The following NRXN1 variants were observed in gnomAD, a reference collection of about 807,000 sequenced individuals.
The protein encoded by NRXN1 is neurexin 1.
NRXN1 carries 39 observed loss-of-function variants against 150.9 expected under a neutral mutation model. The ratio of observed to expected loss-of-function variants is 0.26; its 90% CI spans 0.20 to 0.34. NRXN1 has a LOEUF of 0.34. NRXN1 is among the 10% of genes least tolerant of loss of function. The probability of loss-of-function intolerance (pLI) is 1.00; values close to 1 mark genes in which losing one functional copy is unlikely to be tolerated. For synonymous variants in NRXN1, 924 were observed against 757.0 expected (o/e 1.22, Z -3.62); for missense variants, 1,815 against 1,949.9 (o/e 0.93, Z 1.30).
chr2:50,915,143 T>C (rs1444298102), intron 5 of NRXN1, among the ~76,000 whole-genome samples: 2 of 151,610 alleles, frequency 1.3e-5, no homozygotes, highest in Non-Finnish European at 3.0e-5. Context: ...TCTTGAAGTA[T>C]GTGAGAATAC....
At chr2:50,332,399 T>C (rs943100936) in intron 17 of NRXN1, among the ~76,000 whole-genome samples, 2 of 152,178 alleles carry the variant, frequency 1.3e-5, no homozygotes, top group African/African-American at 4.8e-5. Flanking sequence ...AAATTAGAGC[T>C]CTGTTTTGAA....
intron 14 of NRXN1, among the ~76,000 whole-genome samples, chr2:50,496,497 G>A (rs1033842905): frequency 3.9e-5 from 6 of 152,088 alleles, no homozygotes; most frequent in African/African-American, 9.7e-5. Flanking sequence ...GATAGGGAAC[G>A]TGTACTCATC....
intron 6 of NRXN1, among the ~76,000 whole-genome samples, chr2:50,621,850 TA>T (rs149360789): frequency 0.015 from 2,309 of 152,154 alleles, 56 homozygotes; most frequent in African/African-American, 0.052. Context: ...ATAGAATGAG[TA>T]GAATGGATTT....
intron 17 of NRXN1, among the ~76,000 whole-genome samples, chr2:50,456,709 C>T (rs536981358): frequency 6.6e-6 from 1 of 151,928 alleles, no homozygotes; most frequent in South Asian, 2.1e-4. Flanking sequence ...TTTCCCTTCC[C>T]TACAAAAATG....
chr2:50,347,329 T>A lies in NRXN1; in HGVS notation c.3365-110359A>T. On this transcript the variant is annotated intron_variant, in intron 17 of 22. Transcript: ENST00000401669. The surrounding 1 kb of genome is among the most constrained non-coding windows in gnomAD (Gnocchi z 4.9). Reference sequence around the variant, plus strand: ...CGGCGGGTGGGGGGCCGAGAAATTGTTTAAAGCTCCTCCTGGAAGGTCCTC... The same window carrying A: ...CGGCGGGTGGGGGGCCGAGAAATTGATTAAAGCTCCTCCTGGAAGGTCCTC... 1 of 1,249,030 alleles carries A rather than the reference T, an allele frequency of 8.0e-7. No individual in the cohort carries two copies. The highest frequency in any genetic ancestry group is 1.0e-6 in the Non-Finnish European group (1 of 970,548). The allele number at this position is 1,249,030 out of a possible 1,614,324, so 77.4% of individuals were successfully genotyped here.
chr2:50,386,578 C>T (rs2081342241), intron 17 of NRXN1, among the ~76,000 whole-genome samples: 2 of 150,180 alleles, frequency 1.3e-5, no homozygotes. Flanking sequence ...CAATAGAACC[C>T]CCAAATTGAG....
intron 2 of NRXN1, among the ~76,000 whole-genome samples, chr2:50,974,959 G>C (rs1695590767): frequency 1.3e-5 from 2 of 151,660 alleles, no homozygotes; most frequent in South Asian, 4.2e-4. Flanking sequence ...CCAACCATGA[G>C]CCACTGAATT....
intron 8 of NRXN1, among the ~76,000 whole-genome samples, chr2:50,572,586 AGGC>A (rs1670823671): frequency 2.0e-5 from 3 of 152,170 alleles, no homozygotes; most frequent in Non-Finnish European, 4.4e-5. Context: ...TCTCTGATGT[AGGC>A]TTTTTCTATC....
chr2:50,981,789 C>T (rs570510585), intron 2 of NRXN1, among the ~76,000 whole-genome samples: 15 of 151,340 alleles, frequency 9.9e-5, no homozygotes, highest in Admixed American at 4.6e-4. Flanking sequence ...TTTTTGTAAG[C>T]ACAGAGCCTA....
chr2:50,813,475 A>G (rs1486984299), intron 5 of NRXN1, among the ~76,000 whole-genome samples: 1 of 152,152 alleles, frequency 6.6e-6, no homozygotes, highest in Non-Finnish European at 1.5e-5. Flanking sequence ...GAACAATATA[A>G]AAGTGCCTTT....
intron 21 of NRXN1, among the ~76,000 whole-genome samples, chr2:49,988,893 A>G (rs1558644042): frequency 6.6e-6 from 1 of 152,208 alleles, no homozygotes; most frequent in Non-Finnish European, 1.5e-5. Flanking sequence ...AGTTATTTTA[A>G]AAATTAAAAC....
chr2:50,698,461 T>A (rs905858470), intron 5 of NRXN1, among the ~76,000 whole-genome samples: 1 of 152,224 alleles, frequency 6.6e-6, no homozygotes, highest in African/African-American at 2.4e-5. Context: ...ATTATCTTAG[T>A]GTTGGAATAT....
intron 17 of NRXN1, among the ~76,000 whole-genome samples, chr2:50,458,728 T>C (rs4031833): frequency 0.55 from 82,865 of 151,734 alleles, 25,993 homozygotes; most frequent in East Asian, 0.92. Flanking sequence ...TACAGGCATG[T>C]ACCACCAGGC....
intron 17 of NRXN1, among the ~76,000 whole-genome samples, chr2:50,404,544 C>A (rs978481350): frequency 6.6e-6 from 1 of 152,076 alleles, no homozygotes; most frequent in African/African-American, 2.4e-5. Context: ...ACCCAGGTAC[C>A]TTTCTGGGTC....
intron 8 of NRXN1, among the ~76,000 whole-genome samples, chr2:50,607,742 CAAAA>C (rs71955231): frequency 9.2e-6 from 1 of 108,300 alleles, no homozygotes; most frequent in Non-Finnish European, 2.1e-5. Context: ...CTCTAAAAAT[CAAAA>C]AAAAAAAAAA....
At chr2:50,412,525 G>A (rs1054184966) in intron 17 of NRXN1, among the ~76,000 whole-genome samples, 4 of 150,500 alleles carry the variant, frequency 2.7e-5, no homozygotes, top group African/African-American at 4.9e-5. Flanking sequence ...CTAGTTCTTA[G>A]GTTGGCTAAT....
chr2:50,479,782 TTTTTTTTTTG>T, intron 15 of NRXN1, among the ~76,000 whole-genome samples: 1 of 136,260 alleles, frequency 7.3e-6, no homozygotes, highest in Non-Finnish European at 1.6e-5. Context: ...TTTTTTTTTT[TTTTTTTTTTG>T]AGATGGAGTC....
chr2:50,074,822 C>A (rs145735560), intron 19 of NRXN1, among the ~76,000 whole-genome samples: 1 of 152,292 alleles, frequency 6.6e-6, no homozygotes, highest in Non-Finnish European at 1.5e-5. Context: ...AGAGCATCAT[C>A]ACAAATTGTG....
At chr2:50,334,974 T>G (rs536771812) in intron 17 of NRXN1, among the ~76,000 whole-genome samples, 50 of 152,142 alleles carry the variant, frequency 3.3e-4, no homozygotes, top group Admixed American at 7.2e-4. Context: ...AAGGCTTTCT[T>G]CAGACTCCGG....
Sources: gnomAD v4.1 joint callset for allele counts (sites outside exome capture counted in the v4.1 genomes callset) on GRCh38, gnomAD v4.1.1 for gene constraint, Gnocchi (gnomAD v3.1) non-coding constraint, MANE v1.5 for transcripts, NCBI Gene and HGNC (gene_info 2026-07-23, HGNC 2026-07-21) for gene names.